RPTOR: variants seen among roughly 807,000 people sequenced by gnomAD.
The protein encoded by RPTOR is regulatory associated protein of MTOR complex 1.
A neutral mutation model predicts 169.9 loss-of-function variants in RPTOR; 21 were observed. The observed-to-expected ratio is 0.12, with a 90% CI of 0.09 to 0.18. The LOEUF is 0.18. Ranked by LOEUF, RPTOR falls within the 10% of genes least tolerant of loss-of-function variation. The pLI is 1.00. For missense variants in RPTOR, 1,133 were observed against 1,855.9 expected (o/e 0.61, Z 7.16); for synonymous variants, 732 against 753.2 (o/e 0.97, Z 0.46).
At chr17:80,768,315 G>T (rs897254504) in intron 6 of RPTOR, among the ~76,000 whole-genome samples, 2 of 152,180 alleles carry the variant, frequency 1.3e-5, no homozygotes, top group Admixed American at 6.5e-5. Context: ...TGGGGTCTCA[G>T]TAGGCCGCTT....
chr17:80,645,503 CAT>C (rs1046868292), intron 3 of RPTOR, among the ~76,000 whole-genome samples: 5 of 152,160 alleles, frequency 3.3e-5, no homozygotes, highest in Admixed American at 6.5e-5. Flanking sequence ...TTTCAGAATA[CAT>C]GTGTTTAATA....
chr17:80,709,431 GA>G (rs1393922358), intron 4 of RPTOR, among the ~76,000 whole-genome samples: 1 of 152,136 alleles, frequency 6.6e-6, no homozygotes, highest in Admixed American at 6.5e-5. Flanking sequence ...CAGGCACGGC[GA>G]ATCCGGGAGA....
At chr17:80,908,440 C>T (rs1230926734) in intron 20 of RPTOR, among the ~76,000 whole-genome samples, 1 of 152,166 alleles carries the variant, frequency 6.6e-6, no homozygotes, top group Non-Finnish European at 1.5e-5. Context: ...ATGCCACATG[C>T]ACCACTACCC....
intron 3 of RPTOR, among the ~76,000 whole-genome samples, chr17:80,688,082 G>A (rs2065962503): frequency 6.6e-6 from 1 of 152,154 alleles, no homozygotes; most frequent in Admixed American, 6.5e-5. Flanking sequence ...ACCTGAGTGG[G>A]GGAAATAATT....
intron 3 of RPTOR, among the ~76,000 whole-genome samples, chr17:80,679,963 A>G: frequency 6.6e-6 from 1 of 152,128 alleles, no homozygotes; most frequent in Non-Finnish European, 1.5e-5. Flanking sequence ...CCTGTCCTGG[A>G]GAGGAAGACC....
At chr17:80,918,252 C>T (rs1307744937) in intron 21 of RPTOR, among the ~76,000 whole-genome samples, 19 of 152,338 alleles carry the variant, frequency 1.2e-4, no homozygotes, top group African/African-American at 3.6e-4. Flanking sequence ...GGGCCCCTGC[C>T]CAGCTAGAGC....
intron 7 of RPTOR, among the ~76,000 whole-genome samples, chr17:80,815,412 A>G (rs996858811): frequency 6.6e-6 from 1 of 152,234 alleles, no homozygotes; most frequent in African/African-American, 2.4e-5. Context: ...CCTCATCTGA[A>G]CACTGGCCCA....
intron 17 of RPTOR, among the ~76,000 whole-genome samples, chr17:80,888,564 C>T (rs1019095596): frequency 2.0e-5 from 3 of 152,178 alleles, no homozygotes; most frequent in Middle Eastern, 3.2e-3. Flanking sequence ...AGCCCATGGT[C>T]AGTGCAGCCG....
At chr17:80,859,225 G>A (rs115248556) in intron 13 of RPTOR, among the ~76,000 whole-genome samples, 2,112 of 152,314 alleles carry the variant, frequency 0.014, 59 homozygotes, top group African/African-American at 0.048. Context: ...CGAGACCCTC[G>A]AAGGAAAATG....
At chr17:80,914,851 C>T (rs1487717428) in intron 21 of RPTOR, among the ~76,000 whole-genome samples, 2 of 152,226 alleles carry the variant, frequency 1.3e-5, no homozygotes, top group Non-Finnish European at 2.9e-5. Flanking sequence ...AGGGGCAGGT[C>T]CCCAGTGAAG....
At position 80,893,780 on chromosome 17, in the gene RPTOR, C is replaced by T. The variant is rs1360461888; in HGVS notation, c.2316C>T (p.Pro772=). 5.0e-6 allele frequency: 8 copies of T among 1,597,792 alleles called. No individual in the cohort carries two copies. Among genetic ancestry groups the T allele is most frequent in the African/African-American group, 1.4e-5 (1 of 73,804 alleles). The change falls in exon 20 of 34, where the codon CCC becomes CCT. Residue 772 remains proline (P), a synonymous_variant. Transcript: ENST00000306801. ...GCGCCAGCAGCACCCTGGGCAGCCCCGAGAATGAGGAGCATATCCTGTCCT... is the reference window on the plus strand; with the variant it reads ...GCGCCAGCAGCACCCTGGGCAGCCCTGAGAATGAGGAGCATATCCTGTCCT... ...SSSASSTLGS[P]ENEEHILSFE... is the part of the protein sequence containing the mutation.
At chr17:80,709,760 A>G (rs1166269856) in intron 4 of RPTOR, among the ~76,000 whole-genome samples, 1 of 151,984 alleles carries the variant, frequency 6.6e-6, no homozygotes, top group East Asian at 1.9e-4. Flanking sequence ...TCTGATAACC[A>G]TTAAGATCGC....
chr17:80,760,302 T>TTC (rs1484634913), intron 6 of RPTOR, among the ~76,000 whole-genome samples: 1 of 134,402 alleles, frequency 7.4e-6, no homozygotes, highest in Non-Finnish European at 1.6e-5. Flanking sequence ...TCTTTTTTCT[T>TTC]TTTTCTTTTT....
intron 6 of RPTOR, among the ~76,000 whole-genome samples, chr17:80,758,794 T>C (rs946598487): frequency 6.6e-6 from 1 of 151,966 alleles, no homozygotes; most frequent in African/African-American, 2.4e-5. Flanking sequence ...GGCTGGATAC[T>C]GTATTTGGTG....
intron 4 of RPTOR, among the ~76,000 whole-genome samples, chr17:80,727,334 T>C (rs766800844): frequency 8.6e-5 from 13 of 151,076 alleles, no homozygotes; most frequent in Admixed American, 8.6e-4. Context: ...GCTGCACCTC[T>C]GATCATGTCA....
intron 20 of RPTOR, among the ~76,000 whole-genome samples, chr17:80,894,840 T>C (rs1200017268): frequency 6.6e-6 from 1 of 152,134 alleles, no homozygotes; most frequent in Non-Finnish European, 1.5e-5. Context: ...CCCGGTCCCA[T>C]TCCCTCTGGT....
At chr17:80,667,457 C>T (rs528420964) in intron 3 of RPTOR, among the ~76,000 whole-genome samples, 1 of 152,314 alleles carries the variant, frequency 6.6e-6, no homozygotes, top group African/African-American at 2.4e-5. Flanking sequence ...TCCTTGCTGA[C>T]AAGTGCATCG....
intron 3 of RPTOR, among the ~76,000 whole-genome samples, chr17:80,674,998 C>T (rs1197148930): frequency 6.6e-6 from 1 of 152,158 alleles, no homozygotes; most frequent in Non-Finnish European, 1.5e-5. Context: ...TCACCCCTGG[C>T]TTCAGAAGGG....
chr17:80,591,109 A>C (rs891753372), intron 1 of RPTOR, among the ~76,000 whole-genome samples: 13 of 144,172 alleles, frequency 9.0e-5, no homozygotes, highest in African/African-American at 2.6e-4. Context: ...TCTCTCTTTT[A>C]GAATTCTGTA....
Sources: allele counts gnomAD v4.1 joint callset (sites outside exome capture counted in the v4.1 genomes callset), GRCh38; gene constraint gnomAD v4.1.1; transcripts MANE v1.5; gene names NCBI Gene and HGNC (gene_info 2026-07-23, HGNC 2026-07-21).